TENM4: variants seen among roughly 807,000 people sequenced by gnomAD.
TENM4 encodes the protein teneurin-4.
Under a neutral mutation model 243.3 loss-of-function variants are expected in TENM4, and 82 were observed. The ratio of observed to expected loss-of-function variants is 0.34; its 90% CI spans 0.28 to 0.40. The LOEUF is 0.40. Among genes scored for constraint, TENM4 ranks in the 10% least tolerant of loss-of-function variants. The pLI, the probability that TENM4 is intolerant of heterozygous loss-of-function variation, is 1.00. For missense variants in TENM4, 3,138 were observed against 3,673.3 expected, an observed-to-expected ratio of 0.85 and a Z score of 3.77; for synonymous variants, 1,412 against 1,456.3, an observed-to-expected ratio of 0.97 and a Z score of 0.69.
At chr11:78,786,476 T>C (rs41363349) in intron 16 of TENM4, among the ~76,000 whole-genome samples, 25,976 of 152,258 alleles carry the variant, frequency 0.17, 2,561 homozygotes, top group East Asian at 0.43. Context: ...TGCCAGCCTT[T>C]GCTAAGGTCT....
chr11:78,758,751 T>C (rs1856367641), intron 18 of TENM4, among the ~76,000 whole-genome samples: 1 of 152,166 alleles, frequency 6.6e-6, no homozygotes, highest in Non-Finnish European at 1.5e-5. Context: ...CATTTCTGCA[T>C]GGTGCCCAGA....
At chr11:79,352,037 C>T (rs529511379) in intron 1 of TENM4, among the ~76,000 whole-genome samples, 26 of 152,304 alleles carry the variant, frequency 1.7e-4, no homozygotes, top group Admixed American at 1.3e-3. Context: ...ATACCTATTT[C>T]ATAAAATGAA....
chr11:78,898,192 A>G (rs1244299334), intron 7 of TENM4, among the ~76,000 whole-genome samples: 1 of 152,202 alleles, frequency 6.6e-6, no homozygotes, highest in Admixed American at 6.5e-5. Flanking sequence ...AGGCTCCTCA[A>G]TGGGGGACTC....
intron 1 of TENM4, among the ~76,000 whole-genome samples, chr11:79,298,510 A>G (rs1308736137): frequency 5.9e-5 from 8 of 135,612 alleles, no homozygotes; most frequent in Admixed American, 2.3e-4. Context: ...TGACAGAGCA[A>G]GACTCCGTCT....
chr11:78,740,985 C>T (rs962538138), intron 19 of TENM4, among the ~76,000 whole-genome samples: 9 of 152,222 alleles, frequency 5.9e-5, no homozygotes, highest in South Asian at 4.1e-4. Context: ...ACTCCCTGGA[C>T]GCCGATAGGC....
intron 16 of TENM4, among the ~76,000 whole-genome samples, chr11:78,779,534 G>A (rs1856801895): frequency 6.6e-6 from 1 of 152,214 alleles, no homozygotes; most frequent in South Asian, 2.1e-4. Context: ...GTGTCTGGCT[G>A]TGTGTTTAGA....
intron 6 of TENM4, among the ~76,000 whole-genome samples, chr11:78,914,780 C>T (rs1856274981): frequency 6.6e-6 from 1 of 152,202 alleles, no homozygotes; most frequent in African/African-American, 2.4e-5. Context: ...GTAACCAATT[C>T]CTCTAGCTGT....
chr11:78,791,089 C>A (rs763064128), intron 15 of TENM4, among the ~76,000 whole-genome samples: 8 of 152,130 alleles, frequency 5.3e-5, no homozygotes, highest in African/African-American at 1.9e-4. Context: ...TTATGGGGTG[C>A]TAACTGAAGG....
At chr11:78,719,680 C>T (rs1859601112) in intron 25 of TENM4, among the ~76,000 whole-genome samples, 1 of 152,214 alleles carries the variant, frequency 6.6e-6, no homozygotes, top group African/African-American at 2.4e-5. Flanking sequence ...TCAGGGGACT[C>T]TGAGGTGACT....
At chr11:78,713,978 A>G (rs1467009362) in intron 25 of TENM4, among the ~76,000 whole-genome samples, 1 of 152,134 alleles carries the variant, frequency 6.6e-6, no homozygotes, top group Non-Finnish European at 1.5e-5. Flanking sequence ...AGTCTCCGGA[A>G]GGTATTTTGA....
chr11:78,777,627 G>A (rs1427848085), intron 17 of TENM4, among the ~76,000 whole-genome samples: 1 of 152,112 alleles, frequency 6.6e-6, no homozygotes, highest in Non-Finnish European at 1.5e-5. Flanking sequence ...GCCTTATGAG[G>A]TGGGTCCTGT....
chr11:79,082,224 TG>T (rs1177803483), intron 4 of TENM4, among the ~76,000 whole-genome samples: 1 of 152,168 alleles, frequency 6.6e-6, no homozygotes, highest in African/African-American at 2.4e-5. Context: ...GCCCCAAAGC[TG>T]GAAACCTTTG....
At chr11:79,149,292 GTTTAT>G in intron 3 of TENM4, among the ~76,000 whole-genome samples, 1 of 152,098 alleles carries the variant, frequency 6.6e-6, no homozygotes, top group Non-Finnish European at 1.5e-5. Context: ...CTCTGGGCTG[GTTTAT>G]TTACTTATAT....
chr11:79,317,323 C>A (rs984880031), intron 1 of TENM4, among the ~76,000 whole-genome samples: 1 of 152,178 alleles, frequency 6.6e-6, no homozygotes, highest in Non-Finnish European at 1.5e-5. Flanking sequence ...TCAGCTTGGA[C>A]ACTTTCACTT....
intron 6 of TENM4, among the ~76,000 whole-genome samples, chr11:79,024,359 C>T (rs985271): frequency 0.33 from 49,903 of 152,094 alleles, 9,639 homozygotes; most frequent in African/African-American, 0.54. Context: ...TTCTTTAACA[C>T]ATCTGATCAT....
intron 2 of TENM4, among the ~76,000 whole-genome samples, chr11:79,286,615 G>T (rs1427397163): frequency 9.9e-5 from 15 of 152,052 alleles, no homozygotes. Flanking sequence ...GTTGCAGTGA[G>T]CCAGAATCGT....
chr11:79,078,185 G>C (rs1860579951), intron 4 of TENM4, among the ~76,000 whole-genome samples: 2 of 152,158 alleles, frequency 1.3e-5, no homozygotes, highest in African/African-American at 4.8e-5. Context: ...CTCAGATACA[G>C]CCAGAAACGA....
chr11:78,780,749 T>C (rs1856824282), intron 16 of TENM4, among the ~76,000 whole-genome samples: 1 of 152,190 alleles, frequency 6.6e-6, no homozygotes, highest in Admixed American at 6.5e-5. Context: ...CACATAACCA[T>C]GAAGAGCACT....
intron 6 of TENM4, among the ~76,000 whole-genome samples, chr11:79,010,036 G>A (rs957879041): frequency 3.3e-5 from 5 of 152,036 alleles, no homozygotes; most frequent in Admixed American, 2.0e-4. Flanking sequence ...TGTAAGACCC[G>A]ACTTTTTCCT....
Sources: gnomAD v4.1 joint callset for allele counts (sites outside exome capture counted in the v4.1 genomes callset) on GRCh38, gnomAD v4.1.1 for gene constraint, MANE v1.5 for transcripts, NCBI Gene and HGNC (gene_info 2026-07-23, HGNC 2026-07-21) for gene names.